PABPC4L: variants seen among roughly 807,000 people sequenced by gnomAD.
PABPC4L encodes the protein polyadenylate-binding protein 4-like.
For missense variants in PABPC4L, 452 were observed against 451.4 expected (o/e 1.00, Z -0.01); for synonymous variants, 169 against 164.1 (o/e 1.03, Z -0.23).
At chr4:134,134,127 C>T in the PABPC4L span, among the ~76,000 whole-genome samples, 1 of 151,872 alleles carries the variant, frequency 6.6e-6, no homozygotes, top group Admixed American at 6.6e-5. Flanking sequence ...ATAGTTTTTT[C>T]ATACATTAGA....
At chr4:134,159,294 C>A in the PABPC4L span, among the ~76,000 whole-genome samples, 1 of 152,070 alleles carries the variant, frequency 6.6e-6, no homozygotes, top group Non-Finnish European at 1.5e-5. Context: ...TGTAGGAACA[C>A]CCAATTAAAC....
At chr4:133,960,218 G>T in the PABPC4L span, among the ~76,000 whole-genome samples, 3 of 152,122 alleles carry the variant, frequency 2.0e-5, no homozygotes, top group Admixed American at 6.5e-5. Flanking sequence ...GCTCCTGAAG[G>T]ACCCAGGAGA....
the PABPC4L span, among the ~76,000 whole-genome samples, chr4:134,034,152 CAA>C: frequency 2.6e-5 from 4 of 152,014 alleles, no homozygotes; most frequent in African/African-American, 9.6e-5. Flanking sequence ...AAGAATTATG[CAA>C]AGTCTACCTT....
chr4:134,074,143 T>A, the PABPC4L span, among the ~76,000 whole-genome samples: 1 of 152,222 alleles, frequency 6.6e-6, no homozygotes, highest in African/African-American at 2.4e-5. Context: ...GCACATTTTT[T>A]GAACTTTTAT....
At chr4:134,092,513 G>A in the PABPC4L span, among the ~76,000 whole-genome samples, 162 of 152,072 alleles carry the variant, frequency 1.1e-3, 1 homozygote, top group African/African-American at 3.8e-3. Flanking sequence ...CAGGTACCAA[G>A]AGGGTAGGGT....
At chr4:134,107,183 C>A in the PABPC4L span, among the ~76,000 whole-genome samples, 1 of 151,070 alleles carries the variant, frequency 6.6e-6, no homozygotes, top group African/African-American at 2.4e-5. Context: ...ACACAAAATT[C>A]ATAAATACAT....
chr4:134,062,347 T>G, the PABPC4L span, among the ~76,000 whole-genome samples: 1 of 152,110 alleles, frequency 6.6e-6, no homozygotes, highest in Non-Finnish European at 1.5e-5. Context: ...CTAATCCTGT[T>G]ATTGCATTTA....
chr4:134,189,415 C>T, the PABPC4L span, among the ~76,000 whole-genome samples: 76 of 151,430 alleles, frequency 5.0e-4, no homozygotes, highest in South Asian at 1.2e-3. Flanking sequence ...CACACATACA[C>T]ACATATACAT....
Position 134,200,133 on chromosome 4 carries a change from T to C in PABPC4L, c.887A>G (p.Tyr296Cys), listed in dbSNP as rs1729801796. The C allele has an allele frequency of 3.2e-6, 5 of 1,551,678 alleles. No individual in the cohort carries two copies. In the South Asian group the frequency reaches 3.6e-5, roughly 11 times the overall value. Residue 296 changes from tyrosine (Y) to cysteine (C), a missense_variant, in exon 2 of 2, where the codon TAT (tyrosine) becomes TGT (cysteine). Transcript: ENST00000421491. ...GATGGTGTCATCAAGGTTCTTAATA[T>C]AGAGTTTTACCCCCTGGCACCCACG... The part of the protein sequence containing the change: ...RIRGCQGVKL[Y>C]IKNLDDTIDD...
At chr4:134,116,560 T>C in the PABPC4L span, among the ~76,000 whole-genome samples, 3 of 151,876 alleles carry the variant, frequency 2.0e-5, no homozygotes, top group Admixed American at 2.0e-4. Flanking sequence ...TAAGTTTATG[T>C]GGACCTATCT....
At chr4:134,064,161 A>C in the PABPC4L span, among the ~76,000 whole-genome samples, 1 of 152,080 alleles carries the variant, frequency 6.6e-6, no homozygotes, top group African/African-American at 2.4e-5. Flanking sequence ...GGGAGGAATA[A>C]TATCTAAATC....
At chr4:134,064,022 C>G in the PABPC4L span, among the ~76,000 whole-genome samples, 4 of 151,938 alleles carry the variant, frequency 2.6e-5, no homozygotes, top group South Asian at 4.1e-4. Flanking sequence ...ATTTGAATCA[C>G]CAATTTTCTA....
the PABPC4L span, among the ~76,000 whole-genome samples, chr4:133,994,650 C>A: frequency 6.6e-6 from 1 of 152,030 alleles, no homozygotes; most frequent in African/African-American, 2.4e-5. Context: ...TTAAGGTAAT[C>A]ATGTGTCTTT....
chr4:134,055,588 T>C, the PABPC4L span, among the ~76,000 whole-genome samples: 1 of 151,478 alleles, frequency 6.6e-6, no homozygotes, highest in African/African-American at 2.4e-5. Context: ...AGAAGACTAA[T>C]ACATATGCCA....
At chr4:134,093,197 T>A in the PABPC4L span, among the ~76,000 whole-genome samples, 1 of 151,634 alleles carries the variant, frequency 6.6e-6, no homozygotes, top group Non-Finnish European at 1.5e-5. Flanking sequence ...TAACATTAAT[T>A]TTTCATTTAT....
At chr4:134,032,969 G>C in the PABPC4L span, among the ~76,000 whole-genome samples, 871 of 149,212 alleles carry the variant, frequency 5.8e-3, 10 homozygotes, top group African/African-American at 0.02. Flanking sequence ...TAATTGTATA[G>C]AAGTATACCT....
At chr4:134,187,979 T>G in the PABPC4L span, among the ~76,000 whole-genome samples, 1 of 152,068 alleles carries the variant, frequency 6.6e-6, no homozygotes, top group African/African-American at 2.4e-5. Flanking sequence ...GTGCTTATGA[T>G]TTCCCTCCTT....
the PABPC4L span, among the ~76,000 whole-genome samples, chr4:134,178,366 A>AAC: frequency 7.5e-5 from 1 of 13,406 alleles, no homozygotes. Context: ...AGAAAAAAGC[A>AAC]AAAAAAAAAA....
In PABPC4L at chr4:134,201,164, C is replaced by T. The variant is rs778259112; in HGVS notation, c.-145G>A. ...AAGGCCAAGCAATGGAGTTCAGACACGACTCCCCCAGCTCAGGCAACACCC... is the reference window on the plus strand; with the variant it reads ...AAGGCCAAGCAATGGAGTTCAGACATGACTCCCCCAGCTCAGGCAACACCC... On this transcript the variant is annotated 5_prime_UTR_variant, in exon 2 of 2. In the 5' UTR this introduces an upstream ATG that the reference lacks. Transcript: ENST00000421491. The T allele has an allele frequency of 3.2e-6, 5 of 1,549,008 alleles. No individual in the cohort carries two copies. The highest frequency in any genetic ancestry group is 4.4e-6 in the Non-Finnish European group (5 of 1,146,184).
Sources: allele counts gnomAD v4.1 joint callset (sites outside exome capture counted in the v4.1 genomes callset), GRCh38; gene constraint gnomAD v4.1.1; transcripts MANE v1.5; gene names NCBI Gene and HGNC (gene_info 2026-07-23, HGNC 2026-07-21).